Variants in COL14A1 observed in about 807,000 individuals in gnomAD.
The protein encoded by COL14A1 is collagen type XIV alpha 1 chain.
COL14A1 carries 136 observed loss-of-function variants against 230.3 expected under a neutral mutation model. The observed-to-expected ratio is 0.59, with a 90% CI of 0.51 to 0.68. The LOEUF (loss-of-function observed/expected upper bound fraction) is 0.68, where lower values mean the gene tolerates loss of function less well. COL14A1 is among the 30% of genes least tolerant of loss of function. The pLI is 0.00. For missense variants in COL14A1, 1,976 were observed against 2,215.8 expected (o/e 0.89, Z 2.17); for synonymous variants, 792 against 784.1 (o/e 1.01, Z -0.17).
chr8:120,166,941 G>A lies in COL14A1; in HGVS notation c.350-1220G>A, dbSNP rs1046776226. Among the ~76,000 whole-genome samples, 5 of 150,104 alleles carry A rather than the reference G, an allele frequency of 3.3e-5. No individual in the cohort carries two copies. The South Asian group carries it at 6.4e-4, about 19-fold the overall frequency. ...GTGTGTGGTGGTGATGATGGTGGTG[G>A]TGGGGGTGCTCCAAAGTGCCAATGC... On this transcript the variant is annotated intron_variant, in intron 4 of 47. Transcript: ENST00000297848.
At chr8:120,179,617 A>G (rs1343902916) in intron 5 of COL14A1, among the ~76,000 whole-genome samples, 1 of 152,202 alleles carries the variant, frequency 6.6e-6, no homozygotes, top group Non-Finnish European at 1.5e-5. Context: ...ATACTGCCCA[A>G]AGTAATTTAT....
intron 19 of COL14A1, among the ~76,000 whole-genome samples, chr8:120,239,055 C>T (rs1419121525): frequency 6.6e-6 from 1 of 152,198 alleles, no homozygotes; most frequent in Non-Finnish European, 1.5e-5. Context: ...CCTATTTGGC[C>T]ATCTTGCCCA....
Position 120,199,550 on chromosome 8 carries a change from A to G in COL14A1, c.861A>G (p.Val287=). The part of the protein sequence containing the change: ...PPSRNLRESG[V]ELFAIGVKNA... ...CTAGAAATCTTCGTGAGTCTGGTGT[A>G]GAACTGTTTGCCATAGGTATGTGCT... The change falls in exon 8 of 48, where the codon GTA becomes GTG. Residue 287 remains valine, a synonymous_variant. Transcript: ENST00000297848. 1 of 1,612,276 alleles carries G rather than the reference A, an allele frequency of 6.2e-7. No homozygotes were observed. The highest frequency in any genetic ancestry group is 8.5e-7 in the Non-Finnish European group (1 of 1,179,298).
chr8:120,216,557 C>A, intron 14 of COL14A1, 67 bp downstream of exon 14: 1 of 1,454,178 alleles, frequency 6.9e-7, no homozygotes. Context: ...GCTACATAAC[C>A]AATCATCTCA....
In COL14A1 at chr8:120,306,415, A is replaced by G. The variant is rs186475446; in HGVS notation, c.4402-3594A>G. Among the ~76,000 whole-genome samples, 321 of 152,360 alleles carry G rather than the reference A, an allele frequency of 2.1e-3. 1 individual carries two copies. Among genetic ancestry groups the G allele is most frequent in the Admixed American group, 5.2e-3 (80 of 15,306 alleles). Reference sequence around the variant, plus strand: ...GCAATTGAAAATTTATATTTCAAAAATTTCAAATAAGGAAATTTTGTATTC... The same window carrying G: ...GCAATTGAAAATTTATATTTCAAAAGTTTCAAATAAGGAAATTTTGTATTC... On this transcript the variant is annotated intron_variant, in intron 36 of 47. Transcript: ENST00000297848.
At chr8:120,143,417 G>A (rs1006292914) in intron 1 of COL14A1, among the ~76,000 whole-genome samples, 1 of 152,082 alleles carries the variant, frequency 6.6e-6, no homozygotes, top group Non-Finnish European at 1.5e-5. Context: ...AGGAGTTTGG[G>A]ACCAGCCTGG....
At chr8:120,152,273 AAC>A (rs1815310081) in intron 2 of COL14A1, among the ~76,000 whole-genome samples, 1 of 151,942 alleles carries the variant, frequency 6.6e-6, no homozygotes, top group Non-Finnish European at 1.5e-5. Context: ...CATCCTGGCT[AAC>A]ACGGTGAAAC....
intron 5 of COL14A1, among the ~76,000 whole-genome samples, chr8:120,184,223 A>AGATTGATTGATT (rs1410977898): frequency 9.6e-5 from 10 of 104,218 alleles, no homozygotes; most frequent in African/African-American, 3.0e-4. Context: ...GGGGGGGAAG[A>AGATTGATTGATT]GATTTATTTA....
chr8:120,366,869 C>T (rs979609208), intron 45 of COL14A1, among the ~76,000 whole-genome samples: 5 of 152,172 alleles, frequency 3.3e-5, no homozygotes, highest in African/African-American at 7.2e-5. Flanking sequence ...TGGCCTGGTG[C>T]GTGCAAAGAC....
At chr8:120,267,978 C>G (rs970893119) in intron 25 of COL14A1, among the ~76,000 whole-genome samples, 1 of 151,614 alleles carries the variant, frequency 6.6e-6, no homozygotes. Flanking sequence ...TGTTACATAC[C>G]AGGGAAACAA....
At chr8:120,345,613 G>A in intron 45 of COL14A1, 50 bp downstream of exon 45, 1 of 1,421,484 alleles carries the variant, frequency 7.0e-7, no homozygotes, top group Non-Finnish European at 9.3e-7. Flanking sequence ...TGGGTGCAGG[G>A]AAGCAGAACA....
chr8:120,158,859 T>G (rs1278050086), intron 3 of COL14A1, among the ~76,000 whole-genome samples: 2 of 152,212 alleles, frequency 1.3e-5, no homozygotes, highest in Non-Finnish European at 2.9e-5. Context: ...GAATTTTTCT[T>G]TCTCATATTT....
intron 20 of COL14A1, among the ~76,000 whole-genome samples, chr8:120,245,646 G>A (rs992317910): frequency 1.3e-5 from 2 of 152,142 alleles, no homozygotes; most frequent in African/African-American, 4.8e-5. Flanking sequence ...ACATGGGATT[G>A]ATCAGTGTCA....
At position 120,293,792 on chromosome 8, in the gene COL14A1, G is replaced by A. The variant is rs1820443456; in HGVS notation, c.4237-3719G>A. Among the ~76,000 whole-genome samples the A allele has an allele frequency of 2.0e-5, 3 of 151,968 alleles. No individual in the cohort carries two copies. In the South Asian group the frequency reaches 6.2e-4, roughly 32 times the overall value. On this transcript the variant is annotated intron_variant, in intron 34 of 47. Transcript: ENST00000297848. ...ACCATTATTTGAATTACAACCTTGAGAGCAAAGTAATCAAAACTACCCCCC... is the reference window on the plus strand; with the variant it reads ...ACCATTATTTGAATTACAACCTTGAAAGCAAAGTAATCAAAACTACCCCCC...
chr8:120,181,807 C>T (rs1428487579), intron 5 of COL14A1, among the ~76,000 whole-genome samples: 2 of 152,092 alleles, frequency 1.3e-5, no homozygotes, highest in African/African-American at 4.8e-5. Flanking sequence ...CAAAAATTAG[C>T]CAGGCATGGT....
At chr8:120,195,197 G>T (rs186510193) in intron 5 of COL14A1, among the ~76,000 whole-genome samples, 2 of 152,054 alleles carry the variant, frequency 1.3e-5, no homozygotes, top group African/African-American at 4.8e-5. Context: ...CCTGGTAGGC[G>T]CAGAGACACG....
chr8:120,354,531 G>A (rs1017802033), intron 45 of COL14A1, among the ~76,000 whole-genome samples: 3 of 152,038 alleles, frequency 2.0e-5, no homozygotes, highest in Non-Finnish European at 1.5e-5. Context: ...TGTTCGCAAT[G>A]TGATGTACAT....
At chr8:120,166,554 C>T (rs912326152) in intron 4 of COL14A1, among the ~76,000 whole-genome samples, 2 of 152,170 alleles carry the variant, frequency 1.3e-5, no homozygotes, top group African/African-American at 4.8e-5. Flanking sequence ...CTACCTCCAG[C>T]ATCACTCAGC....
chr8:120,342,358 G>T, intron 43 of COL14A1, 22 bp from the exon 44 acceptor site: 3 of 1,612,998 alleles, frequency 1.9e-6, no homozygotes, highest in Admixed American at 1.7e-5. Flanking sequence ...TGAGTCAGGA[G>T]TATGCTTTTT....
Sources: allele counts gnomAD v4.1 joint callset (sites outside exome capture counted in the v4.1 genomes callset), GRCh38; gene constraint gnomAD v4.1.1; transcripts MANE v1.5; gene names NCBI Gene and HGNC (gene_info 2026-07-23, HGNC 2026-07-21).